CFAP58: variants seen among roughly 807,000 people sequenced by gnomAD.
The protein encoded by CFAP58 is cilia and flagella associated protein 58.
CFAP58 carries 88 observed loss-of-function variants against 119.5 expected under a neutral mutation model. The observed-to-expected ratio is 0.74, with a 90% confidence interval of 0.62 to 0.88. CFAP58 has a LOEUF of 0.88. CFAP58 is among the 40% of genes least tolerant of loss of function. CFAP58 has a pLI of 0.00. For missense variants in CFAP58, 990 were observed against 1,021.2 expected (o/e 0.97, Z 0.42); for synonymous variants, 365 against 366.3 (o/e 1.00, Z 0.04).
chr10:104,357,880 CACATATATAAACAT>C lies in CFAP58; in HGVS notation c.10-459_10-446del, dbSNP rs1564875728. 6.0e-4 allele frequency among the ~76,000 whole-genome samples: 39 copies of C among 65,436 alleles called. 3 individuals are homozygous for C. Among genetic ancestry groups the C allele is most frequent in the African/African-American group, 4.2e-3 (35 of 8,414 alleles). 42.9% of individuals were successfully genotyped at this position (65,436 alleles called of 152,430 possible). On this transcript the variant is annotated intron_variant, in intron 1 of 17. Coordinates refer to ENST00000369704, the MANE Select transcript of CFAP58 (RefSeq NM_001008723.2). ...ATACACATATATACACATATATGTACACATATATAAACATATATGTACACATATACACACATATA... is the reference window on the plus strand; with the variant it reads ...ATACACATATATACACATATATGTACATATGTACACATATACACACATATA...
chr10:104,406,091 T>C (rs1284664040), intron 14 of CFAP58, among the ~76,000 whole-genome samples: 1 of 152,174 alleles, frequency 6.6e-6, no homozygotes, highest in Non-Finnish European at 1.5e-5. Flanking sequence ...AGTGAGACCC[T>C]GTCTCAAACA....
At chr10:104,365,623 A>G (rs1303271941) in intron 4 of CFAP58, among the ~76,000 whole-genome samples, 191 bp from the exon 5 acceptor site, 1 of 152,120 alleles carries the variant, frequency 6.6e-6, no homozygotes, top group African/African-American at 2.4e-5. Flanking sequence ...TCAAGGCCCC[A>G]AGAAACAGTA....
chr10:104,436,393 C>G (rs2184423), intron 15 of CFAP58, among the ~76,000 whole-genome samples: 85,213 of 152,008 alleles, frequency 0.56, 25,004 homozygotes, highest in African/African-American at 0.74. Context: ...ACCCAAGACT[C>G]GGTAATTTAT....
intron 1 of CFAP58, among the ~76,000 whole-genome samples, chr10:104,357,808 T>TATATGTACACGTATATACAC (rs1564875324): frequency 7.3e-6 from 1 of 137,284 alleles, no homozygotes; most frequent in Non-Finnish European, 1.5e-5. Context: ...TATACACACA[T>TATATGTACACGTATATACAC]ATATATGTAC....
At chr10:104,453,761 A>AGTGTGTGTGTGTGTGTGTGTGT (rs56666132) in intron 17 of CFAP58, among the ~76,000 whole-genome samples, 1 of 138,844 alleles carries the variant, frequency 7.2e-6, no homozygotes, top group African/African-American at 2.7e-5. Context: ...CATGAATATG[A>AGTGTGTGTGTGTGTGTGTGTGT]GTGTGTGTGT....
At chr10:104,408,662 A>G (rs1173161945) in intron 15 of CFAP58, among the ~76,000 whole-genome samples, 6 of 152,154 alleles carry the variant, frequency 3.9e-5, no homozygotes, top group Non-Finnish European at 8.8e-5. Flanking sequence ...TATTTCATGG[A>G]CTGCTCTAAC....
At chr10:104,454,091 T>C (rs1395490582) in intron 17 of CFAP58, among the ~76,000 whole-genome samples, 1 of 152,182 alleles carries the variant, frequency 6.6e-6, no homozygotes, top group African/African-American at 2.4e-5. Context: ...AAGATTCTTC[T>C]GACTGATCTT....
At chr10:104,357,836 TACAC>T (rs1303460550) in intron 1 of CFAP58, among the ~76,000 whole-genome samples, 1 of 74,154 alleles carries the variant, frequency 1.3e-5, no homozygotes, top group Non-Finnish European at 3.0e-5. Context: ...CACATATATG[TACAC>T]ATATGTACAC....
At chr10:104,398,705 G>A (rs558927767) in intron 11 of CFAP58, among the ~76,000 whole-genome samples, 4 of 152,124 alleles carry the variant, frequency 2.6e-5, no homozygotes, top group Non-Finnish European at 5.9e-5. Flanking sequence ...CTGTCTGTGT[G>A]ATAATCAAGA....
rs770835359 is a variant in CFAP58 at position 104,447,790 on chromosome 10, G to A, written c.2349G>A (p.Thr783=). 18 of 1,613,602 alleles carry A rather than the reference G, an allele frequency of 1.1e-5. No homozygotes were observed. The highest frequency in any genetic ancestry group is 3.3e-5 in the Admixed American group (2 of 59,940). ...AACAGCTGAAGCTGTACCGACGCACGCTGCATGACAAGAAGCAGCAGCTGA... is the reference window on the plus strand; with the variant it reads ...AACAGCTGAAGCTGTACCGACGCACACTGCATGACAAGAAGCAGCAGCTGA... ...AAEQLKLYRR[T]LHDKKQQLKV... is the part of the protein sequence containing the mutation. Residue 783 remains threonine, a synonymous_variant, in exon 16 of 18, where the codon ACG becomes ACA. Transcript: ENST00000369704.
At chr10:104,444,416 G>A (rs867502813) in intron 15 of CFAP58, among the ~76,000 whole-genome samples, 1 of 152,198 alleles carries the variant, frequency 6.6e-6, no homozygotes, top group Non-Finnish European at 1.5e-5. Flanking sequence ...CAGCTAATGA[G>A]TCTCTGTTGC....
chr10:104,447,517 C>G (rs1270311817), intron 15 of CFAP58, among the ~76,000 whole-genome samples, 181 bp from the exon 16 acceptor site: 1 of 152,108 alleles, frequency 6.6e-6, no homozygotes, highest in Non-Finnish European at 1.5e-5. Flanking sequence ...TGGGGACATT[C>G]CCAGCCCTTC....
intron 1 of CFAP58, among the ~76,000 whole-genome samples, chr10:104,356,379 G>A (rs2014542849): frequency 6.6e-6 from 1 of 152,176 alleles, no homozygotes; most frequent in South Asian, 2.1e-4. Flanking sequence ...TCTTCAGGGT[G>A]AATTGAAATT....
At chr10:104,376,518 A>G (rs1224670643) in intron 7 of CFAP58, among the ~76,000 whole-genome samples, 2 of 150,996 alleles carry the variant, frequency 1.3e-5, no homozygotes, top group African/African-American at 2.5e-5. Context: ...AAAAAAAAAA[A>G]AAAGAAAAAA....
intron 15 of CFAP58, among the ~76,000 whole-genome samples, chr10:104,432,218 CA>C (rs1384162726): frequency 6.6e-6 from 1 of 152,084 alleles, no homozygotes; most frequent in African/African-American, 2.4e-5. Flanking sequence ...ATAGGAATAA[CA>C]TTTGTAACAA....
chr10:104,445,702 G>A (rs1401809416), intron 15 of CFAP58, among the ~76,000 whole-genome samples: 11 of 152,300 alleles, frequency 7.2e-5, no homozygotes, highest in African/African-American at 2.6e-4. Context: ...GGTGATTCTT[G>A]GGGTATATCA....
At chr10:104,376,728 C>A (rs1388920146) in intron 7 of CFAP58, 83 bp from the exon 8 acceptor site, 51 of 1,011,414 alleles carry the variant, frequency 5.0e-5, no homozygotes, top group Non-Finnish European at 7.4e-5. Context: ...ACATGTAAAG[C>A]AGTTTTTGTA....
intron 7 of CFAP58, among the ~76,000 whole-genome samples, chr10:104,371,931 G>T (rs1374015691): frequency 6.6e-6 from 1 of 152,130 alleles, no homozygotes; most frequent in Non-Finnish European, 1.5e-5. Context: ...GCTGTAAGTT[G>T]TCAATCACTG....
intron 15 of CFAP58, among the ~76,000 whole-genome samples, chr10:104,426,209 G>A (rs1232149671): frequency 1.3e-5 from 2 of 152,098 alleles, no homozygotes; most frequent in Non-Finnish European, 2.9e-5. Context: ...AGTGCACTCC[G>A]GTCTGGGCAA....
Sources: gnomAD v4.1 joint callset for allele counts (sites outside exome capture counted in the v4.1 genomes callset) on GRCh38, gnomAD v4.1.1 for gene constraint, MANE v1.5 for transcripts, NCBI Gene and HGNC (gene_info 2026-07-23, HGNC 2026-07-21) for gene names.